Variants in DOCK1 observed in about 807,000 individuals in gnomAD.
DOCK1 encodes the protein dedicator of cytokinesis 1, also known as dedicator of cytokinesis protein 1.
In DOCK1, 138 loss-of-function variants were observed where a neutral mutation model predicts 262.7. That is an observed-to-expected ratio of 0.53 (90% CI 0.46 to 0.61). DOCK1 has a LOEUF of 0.61. Ranked by LOEUF, DOCK1 falls within the 20% of genes least tolerant of loss-of-function variation. The pLI is 0.00. For synonymous variants in DOCK1, 866 were observed against 867.4 expected (o/e 1.00, Z 0.03); for missense variants, 1,908 against 2,370.7 (o/e 0.80, Z 4.05).
intron 37 of DOCK1, among the ~76,000 whole-genome samples, chr10:127,383,919 TTTC>T (rs745517965): frequency 5.3e-5 from 8 of 152,128 alleles, no homozygotes; most frequent in African/African-American, 1.7e-4. Flanking sequence ...TCTGTTTTTT[TTTC>T]TTCTTCTTCC....
At chr10:127,422,577 A>G (rs2068583125) in intron 46 of DOCK1, among the ~76,000 whole-genome samples, 1 of 152,196 alleles carries the variant, frequency 6.6e-6, no homozygotes, top group Middle Eastern at 3.2e-3. Context: ...ACAAATCTGC[A>G]TTTGAAATCT....
intron 27 of DOCK1, among the ~76,000 whole-genome samples, chr10:127,197,384 A>C (rs147063441): frequency 2.0e-5 from 3 of 152,108 alleles, no homozygotes; most frequent in Non-Finnish European, 2.9e-5. Context: ...TTAATTTCCC[A>C]CCCACCAAAG....
chr10:127,433,396 G>A lies in DOCK1; in HGVS notation c.5028G>A (p.Ser1676=), dbSNP rs760549787. ...TGGCCTCTGTCTCTTCCCTCTCATC[G>A]GACAGCACCCCTTCCAGACCAGGCT... ...LSVASVSSLS[S]DSTPSRPGSD... Residue 1676 remains serine, a synonymous_variant, in exon 48 of 52, where the codon TCG becomes TCA. Transcript: ENST00000623213. 9.9e-6 allele frequency: 16 copies of A among 1,613,750 alleles called. No homozygotes were observed. Among genetic ancestry groups the A allele is most frequent in the South Asian group, 5.5e-5 (5 of 91,064 alleles).
At position 127,429,399 on chromosome 10, in the gene DOCK1, G is replaced by A. The variant is rs921324336; in HGVS notation, c.4914+3388G>A. Among the ~76,000 whole-genome samples, 53 of 152,174 alleles carry A rather than the reference G, an allele frequency of 3.5e-4. 1 individual carries two copies. The highest frequency in any genetic ancestry group is 7.4e-5 in the Non-Finnish European group (5 of 68,006). ...TCCCTGAGAAATGTGGCAATAAAAC[G>A]CAGTCTGGGATGTGCCTTTCCTGTC... On this transcript the variant is annotated intron_variant, in intron 47 of 51. Transcript: ENST00000623213.
At chr10:127,203,831 T>C (rs927142223) in intron 27 of DOCK1, among the ~76,000 whole-genome samples, 1 of 152,142 alleles carries the variant, frequency 6.6e-6, no homozygotes, top group African/African-American at 2.4e-5. Flanking sequence ...TCTCATATAT[T>C]AGTCCACTAA....
intron 29 of DOCK1, among the ~76,000 whole-genome samples, chr10:127,262,182 G>T (rs2060190126): frequency 6.9e-6 from 1 of 145,152 alleles, no homozygotes; most frequent in Non-Finnish European, 1.5e-5. Context: ...GGGTGTGTGT[G>T]TGTGTGTACC....
rs1440388303 is a variant in DOCK1, at chr10:127,175,173, G to A, written c.2847+47409G>A. 4 of 1,533,436 alleles carry A rather than the reference G, an allele frequency of 2.6e-6. No homozygotes were observed. Among genetic ancestry groups the A allele is most frequent in the Non-Finnish European group, 3.6e-6 (4 of 1,121,124 alleles). The allele number at this position is 1,533,436 out of a possible 1,614,324, so 95.0% of individuals were successfully genotyped here. A position where few individuals can be genotyped will look rare whatever the true frequency, so the allele number is the denominator to read the frequency against. The stretch of plus-strand genomic sequence containing the variant: ...CTACAGATGGACTCTGTGGTGATCA[G>A]CCTGCATAGCTTCCTAAGACATGGG... On this transcript the variant is annotated intron_variant, in intron 27 of 51. Coordinates refer to ENST00000623213, the MANE Select transcript of DOCK1 (RefSeq NM_001290223.2). The surrounding 1 kb of genome is among the most constrained non-coding windows in gnomAD (Gnocchi z 6.3).
chr10:126,939,000 A>G (rs1342701683), intron 1 of DOCK1, among the ~76,000 whole-genome samples: 3 of 114,564 alleles, frequency 2.6e-5, no homozygotes, highest in Non-Finnish European at 5.1e-5. Context: ...ACCGGAGGGG[A>G]CGAACACCGG....
At chr10:127,053,024 C>A (rs1564765552) in intron 22 of DOCK1, among the ~76,000 whole-genome samples, 2 of 152,172 alleles carry the variant, frequency 1.3e-5, no homozygotes, top group African/African-American at 2.4e-5. Flanking sequence ...GGTGCTGAGG[C>A]GGGAGCCCTG....
rs913629929 is a variant in DOCK1, at chr10:127,200,043, G to A, written c.2848-47965G>A. 7.2e-5 allele frequency among the ~76,000 whole-genome samples: 11 copies of A among 152,224 alleles called. No homozygotes were observed. The East Asian group carries it at 1.2e-3, about 16-fold the overall frequency. On this transcript the variant is annotated intron_variant, in intron 27 of 51. Transcript: ENST00000623213. ...TTCTTTAGGAGACTGCCGATGAAACGCCTGCCCTCCCAACTGTCCGATGTC... is the reference window on the plus strand; with the variant it reads ...TTCTTTAGGAGACTGCCGATGAAACACCTGCCCTCCCAACTGTCCGATGTC...
intron 1 of DOCK1, among the ~76,000 whole-genome samples, chr10:126,959,339 G>A (rs919090122): frequency 6.6e-6 from 1 of 152,120 alleles, no homozygotes; most frequent in Non-Finnish European, 1.5e-5. Flanking sequence ...TTAAAATATG[G>A]CAAAGAAACA....
intron 29 of DOCK1, among the ~76,000 whole-genome samples, chr10:127,326,637 C>T (rs1443276387): frequency 6.6e-6 from 1 of 152,200 alleles, no homozygotes; most frequent in African/African-American, 2.4e-5. Flanking sequence ...TTCCAAACTC[C>T]AGTTAATGTT....
chr10:127,079,725 G>A (rs1316196543), intron 23 of DOCK1, among the ~76,000 whole-genome samples: 1 of 152,184 alleles, frequency 6.6e-6, no homozygotes, highest in East Asian at 1.9e-4. Context: ...GAGGTCAGGA[G>A]TTCGAGATCA....
intron 32 of DOCK1, among the ~76,000 whole-genome samples, chr10:127,360,121 G>A (rs771919718): frequency 1.9e-4 from 29 of 152,154 alleles, no homozygotes; most frequent in Non-Finnish European, 3.4e-4. Flanking sequence ...ACTAAGGTTC[G>A]CAGCCCCATT....
intron 1 of DOCK1, among the ~76,000 whole-genome samples, chr10:126,944,288 A>T (rs1427519111): frequency 6.6e-6 from 1 of 151,972 alleles, no homozygotes; most frequent in African/African-American, 2.4e-5. Context: ...CTCAGGGTAC[A>T]GTTCTTCCCC....
intron 27 of DOCK1, among the ~76,000 whole-genome samples, chr10:127,152,415 G>T (rs142634082): frequency 1.3e-3 from 205 of 152,298 alleles, no homozygotes; most frequent in Non-Finnish European, 2.2e-3. Flanking sequence ...CTCCTCACTG[G>T]CAATTGCCAA....
chr10:127,056,886 A>G (rs1211050052), intron 22 of DOCK1, among the ~76,000 whole-genome samples: 1 of 152,198 alleles, frequency 6.6e-6, no homozygotes, highest in Non-Finnish European at 1.5e-5. Flanking sequence ...CATAGATTTT[A>G]TGAGAGGAAA....
intron 1 of DOCK1, among the ~76,000 whole-genome samples, chr10:126,915,512 G>A (rs891999039): frequency 2.0e-5 from 3 of 152,118 alleles, no homozygotes; most frequent in African/African-American, 2.4e-5. Flanking sequence ...TCCGCCTCCT[G>A]GATTCAAGCA....
chr10:127,139,054 C>T (rs183918494), intron 27 of DOCK1, among the ~76,000 whole-genome samples: 1 of 152,276 alleles, frequency 6.6e-6, no homozygotes, highest in Non-Finnish European at 1.5e-5. Context: ...CTGGGCCAGG[C>T]CTTGGGAGGA....
Sources: gnomAD v4.1 joint callset for allele counts (sites outside exome capture counted in the v4.1 genomes callset) on GRCh38, gnomAD v4.1.1 for gene constraint, Gnocchi (gnomAD v3.1) non-coding constraint, MANE v1.5 for transcripts, NCBI Gene and HGNC (gene_info 2026-07-23, HGNC 2026-07-21) for gene names.